Variants in TYK2 observed in about 807,000 individuals in gnomAD.
TYK2 encodes the protein non-receptor tyrosine-protein kinase TYK2.
Under a neutral mutation model 130.9 loss-of-function variants are expected in TYK2, and 65 were observed. The ratio of observed to expected loss-of-function variants is 0.50; its 90% confidence interval spans 0.41 to 0.61. The LOEUF is 0.61. Among genes scored for constraint, TYK2 ranks in the 20% least tolerant of loss-of-function variants. The pLI is 0.00. For missense variants in TYK2, 1,378 were observed against 1,610.7 expected (o/e 0.86, Z 2.47); for synonymous variants, 647 against 658.9 (o/e 0.98, Z 0.28).
In TYK2 at chr19:10,358,025, G is replaced by A. The variant is rs1246322648; in HGVS notation, c.2289C>T (p.Gly763=). 6.2e-7 allele frequency: 1 copy of A among 1,613,482 alleles called. No individual in the cohort carries two copies. Among genetic ancestry groups the A allele is most frequent in the East Asian group, 2.2e-5 (1 of 44,878 alleles). The change falls in exon 16 of 25, where the codon GGC becomes GGT. Residue 763 remains glycine, a synonymous_variant. Transcript: ENST00000525621. The stretch of plus-strand genomic sequence containing the variant: ...CACCCTCCCTGGAGAGGGCGCCCAG[G>A]CCCACGCCAGGATCACTCAGCTTGA... ...PFIKLSDPGV[G]LGALSREERV... is the part of the protein sequence containing the mutation.
At chr19:10,373,940 A>C (rs1233308769) in intron 3 of TYK2, among the ~76,000 whole-genome samples, 1 of 151,976 alleles carries the variant, frequency 6.6e-6, no homozygotes, top group Non-Finnish European at 1.5e-5. Flanking sequence ...AGCGTGTTTC[A>C]CATCACCCGC....
chr19:10,357,385 G>A (rs1464468034), intron 17 of TYK2: 18 of 633,578 alleles, frequency 2.8e-5, no homozygotes, highest in South Asian at 1.8e-4. Context: ...GTGGAACTTC[G>A]TCTCAAAATA....
Position 10,380,465 on chromosome 19 carries a change from G to C in TYK2, c.-271C>G, listed in dbSNP as rs2042323098. ...CAGCCAGTCCCCGCGGCTTCTTCCT[G>C]AGGACCTCCGGCCGCGCTCCTTCCG... On this transcript the variant is annotated 5_prime_UTR_variant, in exon 1 of 25. Coordinates refer to ENST00000525621, the MANE Select transcript of TYK2 (RefSeq NM_003331.5). 6.6e-6 allele frequency: 1 copy of C among 152,598 alleles called. No homozygotes were observed. Among genetic ancestry groups the C allele is most frequent in the Non-Finnish European group, 1.5e-5 (1 of 68,196 alleles). 9.5% of individuals were successfully genotyped at this position (152,598 alleles called of 1,614,324 possible). A position where few individuals can be genotyped will look rare whatever the true frequency, so the allele number is the denominator to read the frequency against.
intron 18 of TYK2, among the ~76,000 whole-genome samples, chr19:10,356,016 T>A (rs892397771): frequency 6.6e-6 from 1 of 151,818 alleles, no homozygotes; most frequent in African/African-American, 2.4e-5. Flanking sequence ...CAAAACTTTT[T>A]TAAAAAGAAA....
At chr19:10,378,827 T>C (rs1018673711) in intron 2 of TYK2, among the ~76,000 whole-genome samples, 4 of 139,200 alleles carry the variant, frequency 2.9e-5, no homozygotes, top group African/African-American at 1.1e-4. Flanking sequence ...CAAGACGTTT[T>C]ATTTTATATC....
At chr19:10,377,547 G>T (rs1158184027) in intron 3 of TYK2, among the ~76,000 whole-genome samples, 5 of 106,422 alleles carry the variant, frequency 4.7e-5, no homozygotes, top group African/African-American at 7.1e-5. Context: ...TGGATGGATG[G>T]GTGGGTGGGT....
intron 3 of TYK2, among the ~76,000 whole-genome samples, chr19:10,371,100 G>C (rs1042775421): frequency 3.3e-5 from 5 of 151,916 alleles, no homozygotes; most frequent in African/African-American, 1.2e-4. Context: ...CAAGGAGCTG[G>C]GACTACAGGC....
In TYK2 at chr19:10,353,985, C is replaced by A. The variant is rs1380262968; in HGVS notation, c.2908+57G>T. On this transcript the variant is annotated intron_variant, in intron 20 of 24. Transcript: ENST00000525621. This position sits in a 1 kb window ranked among gnomAD's most constrained non-coding sequence, Gnocchi z 6.9. ...CAGACTGGCCCCGCCCACAAGGCCA[C>A]ACCCACGCTCTAACCACGCCCCCTC... is the stretch of plus-strand genomic sequence containing the variant. 6.4e-6 allele frequency: 10 copies of A among 1,571,704 alleles called. No homozygotes were observed. The highest frequency in any genetic ancestry group is 7.9e-6 in the Non-Finnish European group (9 of 1,145,054).
intron 18 of TYK2, 74 bp from the exon 19 acceptor site, chr19:10,354,683 G>T: frequency 8.3e-7 from 1 of 1,207,292 alleles, no homozygotes. Flanking sequence ...GAGTCACAAA[G>T]CCAGCCACAG....
chr19:10,362,508 A>G (rs375813720), intron 10 of TYK2, 41 bp downstream of exon 10: 7 of 1,560,848 alleles, frequency 4.5e-6, no homozygotes, highest in Non-Finnish European at 6.1e-6. Flanking sequence ...CAGGCAGGGA[A>G]CGTGTCCAGC....
At position 10,350,659 on chromosome 19, in the gene TYK2, A is replaced by T; in HGVS notation, c.*175T>A. 1.4e-6 allele frequency: 1 copy of T among 723,726 alleles called. No homozygotes were observed. The highest frequency in any genetic ancestry group is 2.2e-6 in the Non-Finnish European group (1 of 449,414). 44.8% of individuals were successfully genotyped at this position (723,726 alleles called of 1,614,324 possible). On this transcript the variant is annotated 3_prime_UTR_variant, in exon 25 of 25. Coordinates refer to ENST00000525621, the MANE Select transcript of TYK2 (RefSeq NM_003331.5). ...GTCCCTCAAGATCATGGTTAGGCTCACGGCCAAGAAAGAAAAATAAGTTCA... is the reference window on the plus strand; with the variant it reads ...GTCCCTCAAGATCATGGTTAGGCTCTCGGCCAAGAAAGAAAAATAAGTTCA...
rs267605275 is a variant in TYK2 at position 10,368,381 on chromosome 19, G to A, written c.231C>T (p.Phe77=). The A allele has an allele frequency of 1.4e-5, 23 of 1,614,000 alleles. No homozygotes were observed. The highest frequency in any genetic ancestry group is 4.5e-5 in the East Asian group (2 of 44,894). The part of the protein sequence containing the change: ...TPPCFNLFAL[F]DAQAQVWLPP... ...GCAACCAGACTTGGGCCTGAGCATC[G>A]AAGAGGGCAAAGAGATTGAAGCAAG... Residue 77 remains phenylalanine (F), a synonymous_variant, in exon 4 of 25, where the codon TTC becomes TTT. Transcript: ENST00000525621.
chr19:10,355,040 A>G (rs1224252693), intron 18 of TYK2, among the ~76,000 whole-genome samples: 1 of 151,554 alleles, frequency 6.6e-6, no homozygotes, highest in African/African-American at 2.4e-5. Flanking sequence ...TAAAAAAAAA[A>G]AAAAGAAAGA....
chr19:10,373,900 G>A (rs966186271), intron 3 of TYK2, among the ~76,000 whole-genome samples: 1 of 151,932 alleles, frequency 6.6e-6, no homozygotes, highest in African/African-American at 2.4e-5. Flanking sequence ...CAAGCTCTCC[G>A]GGCCTCCATG....
At position 10,365,844 on chromosome 19, in the gene TYK2, G is replaced by A. The variant is rs2041637637; in HGVS notation, c.684C>T (p.Ala228=). The A allele has an allele frequency of 6.2e-7, 1 of 1,612,436 alleles. No homozygotes were observed. Among genetic ancestry groups the A allele is most frequent in the East Asian group, 2.2e-5 (1 of 44,868 alleles). Residue 228 remains alanine, a synonymous_variant, in exon 7 of 25, where the codon GCC becomes GCT. Coordinates refer to ENST00000525621, the MANE Select transcript of TYK2 (RefSeq NM_003331.5). ...CGTTCCGAAGGCGCAGCCGGGTCAG[G>A]GCGCTGTGCTGCCGGATATGCCGGC... ...SFRRHIRQHS[A]LTRLRLRNVF... is the part of the protein sequence containing the mutation.
Position 10,364,692 on chromosome 19 carries a change from G to C in TYK2, c.1289C>G (p.Ser430Cys), listed in dbSNP as rs2041570042. ...CACCTCGTGGCACAGGTAGTGGCTGGAGTCGGCCGTCAGGCGGAAATAGCC... is the reference window on the plus strand; with the variant it reads ...CACCTCGTGGCACAGGTAGTGGCTGCAGTCGGCCGTCAGGCGGAAATAGCC... ...VDGYFRLTAD[S>C]SHYLCHEVAP... Residue 430 changes from serine to cysteine, a missense_variant, in exon 9 of 25, where the codon TCC becomes TGC. Physicochemically the swap from Ser to Cys is moderately radical, Grantham distance 112 (BLOSUM62 -1). Transcript: ENST00000525621. The surrounding 1 kb of genome is among the most constrained non-coding windows in gnomAD (Gnocchi z 4.9). The C allele has an allele frequency of 1.2e-6, 2 of 1,613,708 alleles. No individual in the cohort carries two copies. The highest frequency in any genetic ancestry group is 1.3e-5 in the African/African-American group (1 of 74,942).
At position 10,354,237 on chromosome 19, in the gene TYK2, G is replaced by A. The variant is rs745696767; in HGVS notation, c.2716-3C>T. 13 of 1,611,066 alleles carry A rather than the reference G, an allele frequency of 8.1e-6. No individual in the cohort carries two copies. Among genetic ancestry groups the A allele is most frequent in the Non-Finnish European group, 1.1e-5 (13 of 1,179,978 alleles). On this transcript the variant is annotated splice_region_variant and splice_polypyrimidine_tract_variant and intron_variant, in intron 19 of 24. Coordinates refer to ENST00000525621, the MANE Select transcript of TYK2 (RefSeq NM_003331.5). ...AAGCTGACCTTGCCGAAGTGACCCT[G>A]GTCGGGAGCGCACGAGGGTCAGCTC...
In TYK2 at chr19:10,362,431, C is replaced by T. The variant is rs200643906; in HGVS notation, c.1502G>A (p.Arg501Gln). ...CTGCTCAATGGGGAACTTTCGGAGC[C>T]GCAAGCTCTGCATGCCGTCTGGTGC... is the stretch of plus-strand genomic sequence containing the variant. ...SQAPDGMQSL[R>Q]LRKFPIEQQD... Residue 501 changes from arginine (R) to glutamine (Q), a missense_variant, in exon 11 of 25, where the codon CGG becomes CAG. By Grantham distance (43) the Arg-to-Gln change is conservative. Transcript: ENST00000525621. The T allele has an allele frequency of 6.0e-5, 97 of 1,607,206 alleles. No homozygotes were observed. The highest frequency in any genetic ancestry group is 8.4e-5 in the Admixed American group (5 of 59,300).
intron 3 of TYK2, among the ~76,000 whole-genome samples, chr19:10,373,668 A>G (rs1568344045): frequency 6.6e-6 from 1 of 152,120 alleles, no homozygotes; most frequent in Non-Finnish European, 1.5e-5. Flanking sequence ...AAAATAAAAA[A>G]TAAAAATAAA....
Sources: allele counts gnomAD v4.1 joint callset (sites outside exome capture counted in the v4.1 genomes callset), GRCh38; gene constraint gnomAD v4.1.1; non-coding constraint Gnocchi (gnomAD v3.1); transcripts MANE v1.5; gene names NCBI Gene and HGNC (gene_info 2026-07-23, HGNC 2026-07-21).